The following MCF2L variants were observed in gnomAD, a reference collection of about 807,000 sequenced individuals.
The protein encoded by MCF2L is guanine nucleotide exchange factor DBS.
In MCF2L, 97 loss-of-function variants were observed where a neutral mutation model predicts 153.4. The ratio of observed to expected loss-of-function variants is 0.63; its 90% CI spans 0.54 to 0.75. The LOEUF (loss-of-function observed/expected upper bound fraction) is 0.75. Ranked by LOEUF, MCF2L falls within the 30% of genes least tolerant of loss-of-function variation. MCF2L has a pLI of 0.00. For missense variants in MCF2L, 1,347 were observed against 1,495.2 expected (o/e 0.90, Z 1.64); for synonymous variants, 659 against 632.2 (o/e 1.04, Z -0.64).
intron 2 of MCF2L, among the ~76,000 whole-genome samples, chr13:112,926,071 C>T (rs190928504): frequency 7.2e-5 from 11 of 152,332 alleles, no homozygotes; most frequent in Admixed American, 2.0e-4. Context: ...GATATGGGAT[C>T]GGTCACAGAT....
Position 113,065,013 on chromosome 13 carries a change from A to G in MCF2L, c.684A>G (p.Thr228=), listed in dbSNP as rs1416527684. 6.2e-7 allele frequency: 1 copy of G among 1,612,870 alleles called. No homozygotes were observed. The highest frequency in any genetic ancestry group is 8.5e-7 in the Non-Finnish European group (1 of 1,179,996). The change falls in exon 7 of 30, where the codon ACA becomes ACG. Residue 228 remains threonine, a synonymous_variant. Coordinates refer to ENST00000535094, the MANE Select transcript of MCF2L (RefSeq NM_001112732.3). ...CCTTCGGGACCGAGCTGGCTGAAAC[A>G]GAGCTGCCCAATGACGTCCAGTCGA... ...LQSFGTELAE[T]ELPNDVQSTS...
rs189704155 is a variant in MCF2L, at chr13:113,087,935, G to T, written c.2688+136G>T. ...TGTACACTTCAGGATGCTGCCCTGG[G>T]CTGTCTTCACCCTGAGCTGGACCCA... On this transcript the variant is annotated intron_variant, in intron 23 of 29. Transcript: ENST00000535094. The T allele has an allele frequency of 3.3e-4, 240 of 723,050 alleles. 4 individuals carry two copies. The Admixed American group carries it at 5.1e-3, about 15-fold the overall frequency. 44.8% of individuals were successfully genotyped at this position (723,050 alleles called of 1,614,324 possible).
intron 8 of MCF2L, among the ~76,000 whole-genome samples, chr13:113,067,143 G>A (rs913712147): frequency 3.7e-4 from 56 of 152,282 alleles, no homozygotes; most frequent in Non-Finnish European, 8.8e-5. Flanking sequence ...ACGCTGATCC[G>A]TGCACACGCC....
chr13:112,955,040 A>G (rs995761609), intron 2 of MCF2L, among the ~76,000 whole-genome samples: 3 of 152,204 alleles, frequency 2.0e-5, no homozygotes, highest in African/African-American at 7.2e-5. Flanking sequence ...TCAGACCTCC[A>G]GAGCTCTGCT....
intron 4 of MCF2L, among the ~76,000 whole-genome samples, chr13:113,049,344 G>A (rs2087052555): frequency 6.6e-6 from 1 of 151,852 alleles, no homozygotes; most frequent in Admixed American, 6.6e-5. Context: ...CAGTGGGGAA[G>A]GGGTGGGTGG....
intron 2 of MCF2L, among the ~76,000 whole-genome samples, chr13:112,930,222 T>C (rs1414408544): frequency 6.6e-6 from 1 of 152,184 alleles, no homozygotes; most frequent in East Asian, 1.9e-4. Flanking sequence ...GTTGAAAACA[T>C]GTCCATACAA....
At chr13:112,992,930 C>T (rs1366311807) in intron 1 of MCF2L, among the ~76,000 whole-genome samples, 2 of 152,216 alleles carry the variant, frequency 1.3e-5, no homozygotes, top group Non-Finnish European at 2.9e-5. Flanking sequence ...AGGGTGTCTA[C>T]ACTGAGGTCA....
At chr13:112,972,840 G>A in intron 1 of MCF2L, among the ~76,000 whole-genome samples, 2 of 5,566 alleles carry the variant, frequency 3.6e-4, no homozygotes, top group Non-Finnish European at 9.7e-4. Context: ...TGGATGGATG[G>A]ATGAATGGAT....
intron 2 of MCF2L, among the ~76,000 whole-genome samples, chr13:112,913,304 G>A (rs1371152170): frequency 3.3e-5 from 5 of 152,044 alleles, no homozygotes; most frequent in Non-Finnish European, 7.4e-5. Flanking sequence ...TTGTGTGTCT[G>A]TGTTTATGTG....
intron 1 of MCF2L, among the ~76,000 whole-genome samples, chr13:113,014,113 CCCAGCCAGTGCTGG>C (rs1306701797): frequency 1.3e-5 from 2 of 152,256 alleles, no homozygotes; most frequent in African/African-American, 4.8e-5. Flanking sequence ...CCCCCGTGCT[CCCAGCCAGTGCTGG>C]CCTGGTGGCT....
In MCF2L at chr13:113,023,391, C is replaced by T. The variant is rs1271708152; in HGVS notation, c.164-1253C>T. Among the ~76,000 whole-genome samples the T allele has an allele frequency of 4.6e-5, 7 of 152,312 alleles. No homozygotes were observed. In the South Asian group the frequency reaches 8.3e-4, roughly 18 times the overall value. Reference sequence around the variant, plus strand: ...AGGGAGCCTCGGGGGCCCAGCGTCCCGGGATCACTGGATGGTAAAGCCGCC... The same window carrying T: ...AGGGAGCCTCGGGGGCCCAGCGTCCTGGGATCACTGGATGGTAAAGCCGCC... On this transcript the variant is annotated intron_variant, in intron 2 of 29. Transcript: ENST00000535094.
In MCF2L at chr13:112,987,762, G is replaced by A. The variant is rs192493764; in HGVS notation, c.79+18304G>A. ...GCCTGGAAGGGGCCAGTGTGTGTCTGGAAAGTGTGAAGTCTGGCAGGGGTG... is the reference window on the plus strand; with the variant it reads ...GCCTGGAAGGGGCCAGTGTGTGTCTAGAAAGTGTGAAGTCTGGCAGGGGTG... On this transcript the variant is annotated intron_variant, in intron 1 of 29. Coordinates refer to ENST00000535094, the MANE Select transcript of MCF2L (RefSeq NM_001112732.3). Among the ~76,000 whole-genome samples, 385 of 152,328 alleles carry A rather than the reference G, an allele frequency of 2.5e-3. 2 individuals carry two copies. The highest frequency in any genetic ancestry group is 8.4e-3 in the African/African-American group (349 of 41,578).
chr13:112,919,695 TTAGC>T (rs1258515404), intron 2 of MCF2L, among the ~76,000 whole-genome samples: 10 of 152,234 alleles, frequency 6.6e-5, no homozygotes, highest in Non-Finnish European at 1.3e-4. Context: ...TAGTCTTTTC[TTAGC>T]TAGTTTAACA....
rs547576946 is a variant in MCF2L at position 113,020,820 on chromosome 13, C to T, written c.164-3824C>T. Among the ~76,000 whole-genome samples, 123 of 151,030 alleles carry T rather than the reference C, an allele frequency of 8.1e-4. 3 individuals carry two copies. The highest frequency in any genetic ancestry group is 3.4e-3 in the Middle Eastern group (1 of 292). On this transcript the variant is annotated intron_variant, in intron 2 of 29. Coordinates refer to ENST00000535094, the MANE Select transcript of MCF2L (RefSeq NM_001112732.3). ...GATGTGTGTATGTATAGTGTGTGCG[C>T]GTGTGAATGTGTAGCTATGTATGTT...
At chr13:112,895,016 C>T (rs1247311929) in intron 1 of MCF2L, among the ~76,000 whole-genome samples, 1 of 152,032 alleles carries the variant, frequency 6.6e-6, no homozygotes, top group Non-Finnish European at 1.5e-5. Flanking sequence ...TGTCCCGGGC[C>T]AGGGTCCCCT....
intron 2 of MCF2L, among the ~76,000 whole-genome samples, chr13:112,939,529 T>C (rs916353561): frequency 1.3e-5 from 2 of 152,200 alleles, no homozygotes; most frequent in African/African-American, 2.4e-5. Context: ...TCTCCAGGGA[T>C]GTCTTGTATT....
Position 113,098,569 on chromosome 13 carries a change from GAC to G in MCF2L, c.*1714_*1715del. 1 of 152,392 alleles carries G rather than the reference GAC, an allele frequency of 6.6e-6. No individual in the cohort carries two copies. Among genetic ancestry groups the G allele is most frequent in the South Asian group, 2.1e-4 (1 of 4,832 alleles). 9.4% of individuals were successfully genotyped at this position (152,392 alleles called of 1,614,324 possible). A position where few individuals can be genotyped will look rare whatever the true frequency, so the allele number is the denominator to read the frequency against. On this transcript the variant is annotated 3_prime_UTR_variant, in exon 30 of 30. Transcript: ENST00000535094. Reference sequence around the variant, plus strand: ...CCTGCCATCTGCCTTTGTCTGTCAAGACACAGAACGTCTCAGCAGTCGGGGTT... The same window carrying G: ...CCTGCCATCTGCCTTTGTCTGTCAAGACAGAACGTCTCAGCAGTCGGGGTT...
intron 26 of MCF2L, chr13:113,094,265 G>C (rs531784523): frequency 2.4e-4 from 65 of 272,286 alleles, no homozygotes; most frequent in African/African-American, 1.4e-3. Context: ...CCTGGGGATC[G>C]AGGTCTCCCA....
At chr13:112,926,949 C>G (rs544837254) in intron 2 of MCF2L, among the ~76,000 whole-genome samples, 1 of 152,340 alleles carries the variant, frequency 6.6e-6, no homozygotes, top group South Asian at 2.1e-4. Flanking sequence ...TGCTAATTAG[C>G]TCGATTTAGC....
Sources: gnomAD v4.1 joint callset for allele counts (sites outside exome capture counted in the v4.1 genomes callset) on GRCh38, gnomAD v4.1.1 for gene constraint, MANE v1.5 for transcripts, NCBI Gene and HGNC (gene_info 2026-07-23, HGNC 2026-07-21) for gene names.